The following AGBL4 variants were observed in gnomAD, a reference collection of about 807,000 sequenced individuals.
AGBL4 encodes the protein AGBL carboxypeptidase 4.
A neutral mutation model predicts 66.4 loss-of-function variants in AGBL4; 58 were observed. The ratio of observed to expected loss-of-function variants is 0.87; its 90% CI spans 0.71 to 1.09. The LOEUF (loss-of-function observed/expected upper bound fraction) is 1.09. AGBL4 is among the 50% of genes least tolerant of loss of function. AGBL4 has a pLI of 0.00. For synonymous variants in AGBL4, 234 were observed against 222.9 expected (o/e 1.05, Z -0.44); for missense variants, 579 against 631.0 (o/e 0.92, Z 0.88).
intron 4 of AGBL4, among the ~76,000 whole-genome samples, chr1:49,197,342 G>A (rs927842410): frequency 6.6e-6 from 1 of 152,150 alleles, no homozygotes; most frequent in African/African-American, 2.4e-5. Flanking sequence ...TGGTAGCAGA[G>A]GTCAAGAGAA....
intron 7 of AGBL4, among the ~76,000 whole-genome samples, chr1:48,658,023 T>C (rs371584204): frequency 2.6e-5 from 4 of 152,300 alleles, no homozygotes; most frequent in African/African-American, 9.6e-5. Flanking sequence ...AAGACCTATG[T>C]ATGAAGTGAG....
chr1:49,492,666 T>C (rs1647219331), intron 3 of AGBL4, among the ~76,000 whole-genome samples: 1 of 151,988 alleles, frequency 6.6e-6, no homozygotes, highest in Non-Finnish European at 1.5e-5. Flanking sequence ...AGCTTCCCCA[T>C]GTAAGTACAG....
chr1:49,904,424 C>T (rs1327985271), intron 1 of AGBL4, among the ~76,000 whole-genome samples: 1 of 152,118 alleles, frequency 6.6e-6, no homozygotes, highest in Non-Finnish European at 1.5e-5. Context: ...GATAATAATA[C>T]TTCATGAATC....
At chr1:48,960,068 C>G (rs1427512092) in intron 5 of AGBL4, among the ~76,000 whole-genome samples, 2 of 152,094 alleles carry the variant, frequency 1.3e-5, no homozygotes, top group African/African-American at 4.8e-5. Flanking sequence ...AAGGAGGCAA[C>G]AGCAGAATCA....
At chr1:49,686,167 G>A (rs1315253771) in intron 3 of AGBL4, among the ~76,000 whole-genome samples, 2 of 152,116 alleles carry the variant, frequency 1.3e-5, no homozygotes, top group African/African-American at 4.8e-5. Context: ...ACTATCCCCA[G>A]TGGTTGTTAT....
At chr1:49,094,112 G>A (rs1231440902) in intron 4 of AGBL4, among the ~76,000 whole-genome samples, 2 of 152,096 alleles carry the variant, frequency 1.3e-5, no homozygotes, top group African/African-American at 4.8e-5. Context: ...AGTTGATACA[G>A]ATGCAGAGCA....
rs1553180279 is a variant in AGBL4 at position 49,302,608 on chromosome 1, T to TTTTATTTTATTTTATTTTA, written c.283-56745_283-56744insTAAAATAAAATAAAATAAA. ...ATTTTATTTTATATTTTATTTTATT[T>TTTTATTTTATTTTATTTTA]TTTTATTTTATTTTATTTTATTTTA... On this transcript the variant is annotated intron_variant, in intron 3 of 13. Transcript: ENST00000371839. Among the ~76,000 whole-genome samples the TTTTATTTTATTTTATTTTA allele has an allele frequency of 2.9e-3, 320 of 110,114 alleles. 12 individuals are homozygous for TTTTATTTTATTTTATTTTA. Among genetic ancestry groups the TTTTATTTTATTTTATTTTA allele is most frequent in the South Asian group, 5.9e-3 (20 of 3,412 alleles). 72.2% of individuals were successfully genotyped at this position (110,114 alleles called of 152,430 possible).
At chr1:50,004,115 T>C in intron 1 of AGBL4, among the ~76,000 whole-genome samples, 1 of 152,162 alleles carries the variant, frequency 6.6e-6, no homozygotes, top group South Asian at 2.1e-4. Context: ...AAAAAGAATC[T>C]TTGCGCACTT....
intron 3 of AGBL4, among the ~76,000 whole-genome samples, chr1:49,312,794 G>T (rs1332995357): frequency 6.6e-6 from 1 of 152,050 alleles, no homozygotes; most frequent in African/African-American, 2.4e-5. Flanking sequence ...ACATATATTA[G>T]AATGGTCAAA....
chr1:49,512,457 TG>T (rs1254829842), intron 3 of AGBL4, among the ~76,000 whole-genome samples: 2 of 151,916 alleles, frequency 1.3e-5, no homozygotes, highest in Admixed American at 6.6e-5. Flanking sequence ...ATTTGGATCA[TG>T]GGGGCAGATC....
intron 3 of AGBL4, among the ~76,000 whole-genome samples, chr1:49,405,563 C>T (rs1279429889): frequency 2.0e-5 from 3 of 152,158 alleles, no homozygotes; most frequent in Non-Finnish European, 4.4e-5. Flanking sequence ...ACTGCTGCTG[C>T]TCCCCATGCC....
Position 49,783,775 on chromosome 1 carries a change from G to T in AGBL4, c.157+67621C>A, listed in dbSNP as rs1442291602. On this transcript the variant is annotated intron_variant, in intron 2 of 13. Coordinates refer to ENST00000371839, the MANE Select transcript of AGBL4 (RefSeq NM_032785.4). ...AATCCTAAAGAATCCAATAAAAAAA[G>T]TATTTGAGCTAAAAAATGGATTCAG... Among the ~76,000 whole-genome samples, 7 of 152,134 alleles carry T rather than the reference G, an allele frequency of 4.6e-5. No homozygotes were observed. The South Asian group carries it at 1.2e-3, about 27-fold the overall frequency.
chr1:49,689,120 T>C (rs767123120), intron 3 of AGBL4, among the ~76,000 whole-genome samples: 11 of 152,202 alleles, frequency 7.2e-5, no homozygotes, highest in Non-Finnish European at 1.3e-4. Flanking sequence ...CCTATGTTTG[T>C]GGAGTATTAC....
intron 3 of AGBL4, among the ~76,000 whole-genome samples, chr1:49,370,836 C>T (rs1167324308): frequency 2.0e-5 from 3 of 152,100 alleles, no homozygotes; most frequent in South Asian, 2.1e-4. Flanking sequence ...ATAGTTAATT[C>T]GAACTGTCAA....
At chr1:48,693,117 CAAAGCTCTTGGTTGCTTTCTT>C (rs566489249) in intron 6 of AGBL4, among the ~76,000 whole-genome samples, 3,125 of 152,318 alleles carry the variant, frequency 0.021, 54 homozygotes, top group Middle Eastern at 0.038. Context: ...TTTGTATATT[CAAAGCTCTTGGTTGCTTTCTT>C]AAAGCGCTGA....
intron 3 of AGBL4, among the ~76,000 whole-genome samples, chr1:49,645,802 T>C (rs1645875638): frequency 6.9e-6 from 1 of 144,746 alleles, no homozygotes; most frequent in African/African-American, 2.5e-5. Context: ...TCAAATCAAA[T>C]CCAATAATAT....
intron 1 of AGBL4, among the ~76,000 whole-genome samples, chr1:49,881,944 G>A (rs902192647): frequency 2.6e-5 from 4 of 151,756 alleles, no homozygotes; most frequent in African/African-American, 9.7e-5. Flanking sequence ...TTGGTGTTTT[G>A]GACATGAAGT....
intron 3 of AGBL4, among the ~76,000 whole-genome samples, chr1:49,344,121 G>A (rs553093294): frequency 6.6e-6 from 1 of 152,164 alleles, no homozygotes; most frequent in South Asian, 2.1e-4. Context: ...ACCTATCTGC[G>A]CTCTGTCTAG....
intron 7 of AGBL4, among the ~76,000 whole-genome samples, chr1:48,660,738 TGTC>T (rs1040084492): frequency 4.6e-5 from 7 of 152,296 alleles, no homozygotes; most frequent in African/African-American, 1.7e-4. Flanking sequence ...GAACCACACT[TGTC>T]GTGAATTAGC....
Sources: allele counts gnomAD v4.1 joint callset (sites outside exome capture counted in the v4.1 genomes callset), GRCh38; gene constraint gnomAD v4.1.1; transcripts MANE v1.5; gene names NCBI Gene and HGNC (gene_info 2026-07-23, HGNC 2026-07-21).